Variants in ACYP2 observed in about 807,000 individuals in gnomAD.
ACYP2 encodes acylphosphatase-2.
A neutral mutation model predicts 11.2 loss-of-function variants in ACYP2; 12 were observed. That is an observed-to-expected ratio of 1.08 (90% CI 0.69 to 1.74). ACYP2 has a LOEUF of 1.74. ACYP2 is among the 40% of genes most tolerant of loss of function. The pLI is 0.00. For missense variants in ACYP2, 134 were observed against 101.9 expected, an observed-to-expected ratio of 1.31 and a Z score of -1.35; for synonymous variants, 43 against 32.2, an observed-to-expected ratio of 1.33 and a Z score of -1.13.
chr2:54,276,138 A>G (rs1159187499), intron 6 of ACYP2, among the ~76,000 whole-genome samples: 3 of 152,094 alleles, frequency 2.0e-5, no homozygotes, highest in Admixed American at 1.3e-4. Flanking sequence ...CCTCTAACCT[A>G]TCCTTTACCT....
intron 6 of ACYP2, among the ~76,000 whole-genome samples, chr2:54,228,418 C>A (rs978840398): frequency 1.3e-5 from 2 of 152,130 alleles, no homozygotes; most frequent in Non-Finnish European, 2.9e-5. Flanking sequence ...TCTTTATTCC[C>A]ATTTTGGAGA....
At chr2:54,208,075 G>C (rs1685156950) in intron 6 of ACYP2, among the ~76,000 whole-genome samples, 2 of 152,060 alleles carry the variant, frequency 1.3e-5, no homozygotes, top group Middle Eastern at 3.4e-3. Flanking sequence ...GTTCCTTGAT[G>C]TCAAGCTTGC....
chr2:54,006,006 CTTCA>C (rs1273428299), intron 2 of ACYP2, among the ~76,000 whole-genome samples: 4 of 151,638 alleles, frequency 2.6e-5, no homozygotes, highest in African/African-American at 9.8e-5. Flanking sequence ...CGTGGTGAGA[CTTCA>C]TCTCACTCTG....
intron 6 of ACYP2, among the ~76,000 whole-genome samples, chr2:54,156,559 C>G (rs2103819998): frequency 6.6e-6 from 1 of 152,334 alleles, no homozygotes; most frequent in South Asian, 2.1e-4. Flanking sequence ...TAATGGCTTC[C>G]AGGTCCATCC....
intron 2 of ACYP2, among the ~76,000 whole-genome samples, chr2:54,037,077 A>G (rs1458372823): frequency 1.3e-5 from 2 of 152,186 alleles, no homozygotes; most frequent in Admixed American, 6.5e-5. Context: ...TAATGTAGAG[A>G]AAAACTCCTT....
chr2:54,115,470 T>A, intron 4 of ACYP2, 145 bp from the exon 1 acceptor site: 1 of 1,202,464 alleles, frequency 8.3e-7, no homozygotes, highest in Admixed American at 3.0e-5. Context: ...CTAGGATGCC[T>A]GGGGCCCAGC....
At chr2:54,302,722 A>C (rs1558680285) in intron 6 of ACYP2, among the ~76,000 whole-genome samples, 1 of 152,060 alleles carries the variant, frequency 6.6e-6, no homozygotes, top group Non-Finnish European at 1.5e-5. Flanking sequence ...CCCTTCCCCC[A>C]AAATCTGCTC....
At chr2:54,060,337 T>G (rs773588772) in intron 4 of ACYP2, among the ~76,000 whole-genome samples, 5 of 152,146 alleles carry the variant, frequency 3.3e-5, no homozygotes, top group Non-Finnish European at 7.4e-5. Flanking sequence ...ATTGACTTTT[T>G]TTGTTTCATG....
At chr2:54,184,811 C>A (rs1160526821) in intron 6 of ACYP2, among the ~76,000 whole-genome samples, 2 of 150,644 alleles carry the variant, frequency 1.3e-5, no homozygotes, top group African/African-American at 4.9e-5. Context: ...ATAACAATAT[C>A]AATTCATTTC....
intron 6 of ACYP2, among the ~76,000 whole-genome samples, chr2:54,229,695 CAA>C (rs571927682): frequency 4.5e-4 from 69 of 152,212 alleles, no homozygotes; most frequent in South Asian, 2.9e-3. Context: ...ATAACAGCAC[CAA>C]AGACTAGTTT....
intron 4 of ACYP2, among the ~76,000 whole-genome samples, chr2:54,127,095 G>C (rs986193042): frequency 6.9e-6 from 1 of 145,806 alleles, no homozygotes; most frequent in South Asian, 2.1e-4. Context: ...ATGATGAATA[G>C]CTGCTTTTTT....
intron 6 of ACYP2, among the ~76,000 whole-genome samples, chr2:54,196,744 C>A (rs964597771): frequency 7.7e-6 from 1 of 129,886 alleles, no homozygotes; most frequent in African/African-American, 3.4e-5. Flanking sequence ...AATTTGTCTC[C>A]ATATATTGGT....
At chr2:54,223,479 A>G (rs1484391282) in intron 6 of ACYP2, among the ~76,000 whole-genome samples, 1 of 152,158 alleles carries the variant, frequency 6.6e-6, no homozygotes, top group Non-Finnish European at 1.5e-5. Context: ...AGCTATTCAG[A>G]GTGAATTTTA....
chr2:54,243,505 T>G (rs952817561), intron 6 of ACYP2, among the ~76,000 whole-genome samples: 2 of 151,966 alleles, frequency 1.3e-5, no homozygotes, highest in African/African-American at 4.9e-5. Context: ...TTCATTCATT[T>G]ATTTTTTGAG....
chr2:54,015,513 G>A (rs1046837742), intron 2 of ACYP2, among the ~76,000 whole-genome samples: 1 of 151,906 alleles, frequency 6.6e-6, no homozygotes, highest in Non-Finnish European at 1.5e-5. Context: ...AGCCAGGTAT[G>A]GTGGTGTGTG....
At chr2:54,213,487 C>A (rs914798186) in intron 6 of ACYP2, among the ~76,000 whole-genome samples, 1 of 152,148 alleles carries the variant, frequency 6.6e-6, no homozygotes, top group Non-Finnish European at 1.5e-5. Flanking sequence ...AATAGCAGTT[C>A]TGTTTTAAGT....
intron 4 of ACYP2, among the ~76,000 whole-genome samples, chr2:54,071,061 T>TTTC (rs1677017032): frequency 6.6e-6 from 1 of 152,166 alleles, no homozygotes. Flanking sequence ...CTCAAAAGCT[T>TTTC]TTCTTTATTT....
chr2:54,123,074 A>G (rs1680250901), intron 4 of ACYP2: 1 of 303,560 alleles, frequency 3.3e-6, no homozygotes, highest in Admixed American at 5.0e-5. Context: ...GGGAGGAAGA[A>G]GAGGACATGC....
intron 4 of ACYP2, among the ~76,000 whole-genome samples, chr2:54,100,835 A>G (rs544112112): frequency 6.6e-6 from 1 of 152,374 alleles, no homozygotes; most frequent in South Asian, 2.1e-4. Flanking sequence ...TCTTCTATGA[A>G]TGGGAAATGA....
Sources: gnomAD v4.1 joint callset for allele counts (sites outside exome capture counted in the v4.1 genomes callset) on GRCh38, gnomAD v4.1.1 for gene constraint, MANE v1.5 for transcripts, NCBI Gene and HGNC (gene_info 2026-07-23, HGNC 2026-07-21) for gene names.